Variants in NTRK2 observed in about 807,000 individuals in gnomAD.
NTRK2 encodes BDNF/NT-3 growth factors receptor.
Under a neutral mutation model 94.5 loss-of-function variants are expected in NTRK2, and 13 were observed. The ratio of observed to expected loss-of-function variants is 0.14; its 90% CI spans 0.09 to 0.22. The LOEUF is 0.22. Among genes scored for constraint, NTRK2 ranks in the 10% least tolerant of loss-of-function variants. The probability of loss-of-function intolerance (pLI) is 1.00; values close to 1 mark genes in which losing one functional copy is unlikely to be tolerated. For missense variants in NTRK2, 639 were observed against 1,071.2 expected, an observed-to-expected ratio of 0.60 and a Z score of 5.63; for synonymous variants, 372 against 407.4, an observed-to-expected ratio of 0.91 and a Z score of 1.05.
chr9:84,723,482 A>T, intron 6 of NTRK2, 91 bp from the exon 7 acceptor site: 1 of 1,440,934 alleles, frequency 6.9e-7, no homozygotes, highest in Non-Finnish European at 9.7e-7. Flanking sequence ...ATTGATTTTT[A>T]AAGCATAAAC....
intron 17 of NTRK2, among the ~76,000 whole-genome samples, chr9:84,965,096 C>A (rs1002606071): frequency 2.0e-5 from 3 of 152,104 alleles, no homozygotes; most frequent in Non-Finnish European, 4.4e-5. Context: ...ATTATCTTAG[C>A]CTACTTGTTA....
chr9:84,991,785 C>T (rs1188155398), intron 17 of NTRK2, among the ~76,000 whole-genome samples: 4 of 152,118 alleles, frequency 2.6e-5, no homozygotes, highest in Non-Finnish European at 5.9e-5. Flanking sequence ...CCTTGCAGTT[C>T]CTCTCACACG....
chr9:84,893,959 GA>G (rs1275873932), intron 14 of NTRK2, among the ~76,000 whole-genome samples: 1 of 152,146 alleles, frequency 6.6e-6, no homozygotes, highest in Non-Finnish European at 1.5e-5. Context: ...AACACAGATG[GA>G]ATGTGCCCCA....
At chr9:84,685,855 A>G (rs1230612732) in intron 2 of NTRK2, among the ~76,000 whole-genome samples, 2 of 152,176 alleles carry the variant, frequency 1.3e-5, no homozygotes, top group Non-Finnish European at 2.9e-5. Flanking sequence ...GTCACTTAGT[A>G]TCATCAGTGT....
intron 10 of NTRK2, among the ~76,000 whole-genome samples, chr9:84,743,910 G>T (rs1315501642): frequency 6.6e-6 from 1 of 152,114 alleles, no homozygotes; most frequent in Non-Finnish European, 1.5e-5. Flanking sequence ...CAAACACATA[G>T]AAAATAGATT....
intron 13 of NTRK2, among the ~76,000 whole-genome samples, chr9:84,865,379 T>C (rs537626940): frequency 1.3e-5 from 2 of 152,318 alleles, no homozygotes; most frequent in South Asian, 4.2e-4. Flanking sequence ...GGCTGTCTCC[T>C]GCATAGTTTG....
At chr9:84,948,969 G>C (rs779859030) in intron 16 of NTRK2, among the ~76,000 whole-genome samples, 1 of 152,124 alleles carries the variant, frequency 6.6e-6, no homozygotes, top group Non-Finnish European at 1.5e-5. Context: ...TGTTATTAAA[G>C]GCAAAGGAAA....
intron 14 of NTRK2, among the ~76,000 whole-genome samples, chr9:84,899,654 A>G (rs2076868250): frequency 6.6e-6 from 1 of 152,218 alleles, no homozygotes; most frequent in Non-Finnish European, 1.5e-5. Context: ...ACGATTCTAT[A>G]TTGTTTAGGT....
At position 84,787,488 on chromosome 9, in the gene NTRK2, T is replaced by G. The variant is rs151295310; in HGVS notation, c.1396+35403T>G. ...TCCATAAAATTAGGATGACATGAAC[T>G]GATCCCTCACTTATTCAGGGTACCA... is the stretch of plus-strand genomic sequence containing the variant. On this transcript the variant is annotated intron_variant, in intron 12 of 18. Coordinates refer to ENST00000277120, the MANE Select transcript of NTRK2 (RefSeq NM_006180.6). Among the ~76,000 whole-genome samples, 397 of 152,320 alleles carry G rather than the reference T, an allele frequency of 2.6e-3. 4 individuals are homozygous for G. The highest frequency in any genetic ancestry group is 8.9e-3 in the African/African-American group (370 of 41,570).
intron 17 of NTRK2, among the ~76,000 whole-genome samples, chr9:84,985,102 G>T (rs1380003127): frequency 6.6e-6 from 1 of 152,208 alleles, no homozygotes; most frequent in African/African-American, 2.4e-5. Context: ...AAGGGTGTTT[G>T]CAGAAACAGC....
chr9:84,998,691 C>T (rs1830029745), intron 17 of NTRK2, among the ~76,000 whole-genome samples: 1 of 152,190 alleles, frequency 6.6e-6, no homozygotes, highest in Non-Finnish European at 1.5e-5. Flanking sequence ...AGGAGATACA[C>T]CTTGGCCTCT....
At chr9:84,838,238 A>C (rs538975213) in intron 12 of NTRK2, among the ~76,000 whole-genome samples, 3 of 152,316 alleles carry the variant, frequency 2.0e-5, no homozygotes, top group Admixed American at 2.0e-4. Flanking sequence ...ATCCAGAAGA[A>C]AATAGCGACA....
At chr9:84,978,688 G>A (rs10122796) in intron 17 of NTRK2, among the ~76,000 whole-genome samples, 108,823 of 151,576 alleles carry the variant, frequency 0.72, 39,552 homozygotes, top group African/African-American at 0.79. Flanking sequence ...TATTGAAAGA[G>A]GATGCCATCT....
rs573996632 is a variant in NTRK2, at chr9:84,796,883, G to T, written c.1396+44798G>T. Reference sequence around the variant, plus strand: ...ATCTTAAATTATTTTTTTCTTTTGGGTAAGGCTGAATTACCCCCTACTTGC... The same window carrying T: ...ATCTTAAATTATTTTTTTCTTTTGGTTAAGGCTGAATTACCCCCTACTTGC... On this transcript the variant is annotated intron_variant, in intron 12 of 18. Coordinates refer to ENST00000277120, the MANE Select transcript of NTRK2 (RefSeq NM_006180.6). 1.2e-4 allele frequency among the ~76,000 whole-genome samples: 18 copies of T among 151,990 alleles called. No homozygotes were observed. In the East Asian group the frequency reaches 1.5e-3, roughly 13 times the overall value.
chr9:84,855,578 CAT>C (rs1162136928), intron 12 of NTRK2, among the ~76,000 whole-genome samples: 3 of 146,816 alleles, frequency 2.0e-5, no homozygotes, highest in African/African-American at 8.0e-5. Flanking sequence ...AAACCTCAAG[CAT>C]ATTTTTTTTT....
intron 17 of NTRK2, among the ~76,000 whole-genome samples, chr9:84,970,121 T>A (rs547409407): frequency 6.6e-6 from 1 of 152,246 alleles, no homozygotes; most frequent in African/African-American, 2.4e-5. Context: ...CCGGGCATGG[T>A]GGTTCATGCC....
chr9:84,874,068 G>C (rs2075973734), intron 14 of NTRK2: 2 of 1,064,132 alleles, frequency 1.9e-6, no homozygotes, highest in Admixed American at 5.3e-5. Flanking sequence ...ATTTGTTCTG[G>C]GTATTTCCCA....
At chr9:85,009,169 T>C (rs1246175121) in intron 17 of NTRK2, among the ~76,000 whole-genome samples, 1 of 152,216 alleles carries the variant, frequency 6.6e-6, no homozygotes, top group Non-Finnish European at 1.5e-5. Context: ...GTCTGGACCA[T>C]AGACTCATGA....
chr9:84,968,315 G>A lies in NTRK2; in HGVS notation c.2172+12798G>A, dbSNP rs191583408. Among the ~76,000 whole-genome samples the A allele has an allele frequency of 1.4e-4, 21 of 152,266 alleles. No homozygotes were observed. In the East Asian group the frequency reaches 3.3e-3, roughly 24 times the overall value. On this transcript the variant is annotated intron_variant, in intron 17 of 18. Coordinates refer to ENST00000277120, the MANE Select transcript of NTRK2 (RefSeq NM_006180.6). ...TCTTCTCCCTGAGAGGTGGGCAAGGGTCGCCTGGTGTATTCTCAGAGCTCT... is the reference window on the plus strand; with the variant it reads ...TCTTCTCCCTGAGAGGTGGGCAAGGATCGCCTGGTGTATTCTCAGAGCTCT...
Sources: gnomAD v4.1 joint callset for allele counts (sites outside exome capture counted in the v4.1 genomes callset) on GRCh38, gnomAD v4.1.1 for gene constraint, MANE v1.5 for transcripts, NCBI Gene and HGNC (gene_info 2026-07-23, HGNC 2026-07-21) for gene names.